DGKZ: variants seen among roughly 807,000 people sequenced by gnomAD.
The protein encoded by DGKZ is diacylglycerol kinase zeta, also known as DAG kinase zeta.
Under a neutral mutation model 142.5 loss-of-function variants are expected in DGKZ, and 45 were observed. That is an observed-to-expected ratio of 0.32 (90% CI 0.25 to 0.40). The LOEUF (loss-of-function observed/expected upper bound fraction) is 0.40. DGKZ is among the 10% of genes least tolerant of loss of function. The pLI, the probability that DGKZ is intolerant of heterozygous loss-of-function variation, is 1.00. For missense variants in DGKZ, 755 were observed against 1,306.5 expected (o/e 0.58, Z 6.51); for synonymous variants, 442 against 527.0 (o/e 0.84, Z 2.21).
intron 27 of DGKZ, 103 bp downstream of exon 27, chr11:46,378,603 A>C: frequency 6.8e-7 from 1 of 1,478,740 alleles, no homozygotes; most frequent in South Asian, 1.2e-5. Context: ...AGGTGCTGTC[A>C]TCTGTCATCG....
Position 46,379,227 on chromosome 11 carries a change from TGGAGGAAAAGTAAGTATCTG to T in DGKZ, c.2567_2573+13del, listed in dbSNP as rs1944928672. The T allele has an allele frequency of 6.2e-7, 1 of 1,612,868 alleles. No homozygotes were observed. Among genetic ancestry groups the T allele is most frequent in the Non-Finnish European group, 8.5e-7 (1 of 1,179,910 alleles). ...GCCCCCCCAGAGATCCTTGATGCGG[TGGAGGAAAAGTAAGTATCTG>T]GGCAGTGCAGAACCGTGGTCACCCC... On this transcript the variant is annotated splice_donor_variant and splice_donor_5th_base_variant and coding_sequence_variant and intron_variant, in exon 29 of 31. Coordinates refer to ENST00000527911, the Ensembl canonical transcript of DGKZ. LOFTEE classifies it high-confidence loss of function.
chr11:46,336,920 T>C (rs1006230274), intron 1 of DGKZ, among the ~76,000 whole-genome samples: 1 of 152,034 alleles, frequency 6.6e-6, no homozygotes. Flanking sequence ...ACTCAGAATG[T>C]TGAGGTGGGA....
Position 46,367,508 on chromosome 11 carries a change from T to G in DGKZ, c.270+109T>G. On this transcript the variant is annotated intron_variant, in intron 2 of 30. Transcript: ENST00000527911. The surrounding 1 kb of genome is among the most constrained non-coding windows in gnomAD (Gnocchi z 4.1). ...CTGGGAGAGCCAAGCCTGGAAGGGT[T>G]GGGACAGTGGGGCAGACGGAACAGA... is the stretch of plus-strand genomic sequence containing the variant. 1 of 1,335,872 alleles carries G rather than the reference T, an allele frequency of 7.5e-7. No individual in the cohort carries two copies. The highest frequency in any genetic ancestry group is 2.4e-5 in the Admixed American group (1 of 42,444). 82.8% of individuals were successfully genotyped at this position (1,335,872 alleles called of 1,614,324 possible).
intron 1 of DGKZ, among the ~76,000 whole-genome samples, chr11:46,348,895 C>A (rs1053947573): frequency 6.6e-6 from 1 of 152,214 alleles, no homozygotes; most frequent in African/African-American, 2.4e-5. Context: ...GAACTCTGAC[C>A]ACTTGGAGTC....
chr11:46,367,656 C>T lies in DGKZ; in HGVS notation c.275C>T (p.Ser92Leu), dbSNP rs1943468057. Residue 92 changes from serine to leucine, a missense_variant, in exon 3 of 31, where the codon TCA becomes TTA. Physicochemically the swap from Ser to Leu is moderately radical, Grantham distance 145 (BLOSUM62 -2). Transcript: ENST00000527911. This position sits in a 1 kb window ranked among gnomAD's most constrained non-coding sequence, Gnocchi z 4.1. The stretch of plus-strand genomic sequence containing the variant: ...GCAAGCCCATCCCGTGGCTAGGAGT[C>T]AGCGACATATGGGGAGCACATCTGG... 1 of 1,598,472 alleles carries T rather than the reference C, an allele frequency of 6.3e-7. No individual in the cohort carries two copies. The highest frequency in any genetic ancestry group is 1.3e-5 in the African/African-American group (1 of 74,642).
chr11:46,365,243 T>C lies in DGKZ; in HGVS notation c.162-2048T>C, dbSNP rs1943113627. 15 of 985,236 alleles carry C rather than the reference T, an allele frequency of 1.5e-5. No homozygotes were observed. In the South Asian group the frequency reaches 7.0e-4, roughly 46 times the overall value. The allele number at this position is 985,236 out of a possible 1,614,324, so 61.0% of individuals were successfully genotyped here. A position where few individuals can be genotyped will look rare whatever the true frequency, so the allele number is the denominator to read the frequency against. On this transcript the variant is annotated intron_variant, in intron 1 of 30. Coordinates refer to ENST00000527911, the Ensembl canonical transcript of DGKZ. Reference sequence around the variant, plus strand: ...TGTGCAGCGTTTGGAATTGTGAGTATGGGGGCTTCCAGCATCAGGGCCGCA... The same window carrying C: ...TGTGCAGCGTTTGGAATTGTGAGTACGGGGGCTTCCAGCATCAGGGCCGCA...
intron 1 of DGKZ, among the ~76,000 whole-genome samples, chr11:46,360,880 TG>T (rs1175854605): frequency 2.0e-5 from 3 of 151,994 alleles, no homozygotes; most frequent in Admixed American, 6.6e-5. Flanking sequence ...GACTGGGAGT[TG>T]GGGGGGTGGC....
chr11:46,366,495 C>G (rs1328562593), intron 1 of DGKZ: 1 of 1,582,294 alleles, frequency 6.3e-7, no homozygotes, highest in African/African-American at 1.3e-5. Context: ...ACTGTGCCCC[C>G]TTCCTGCAAC....
At chr11:46,361,744 T>G in intron 1 of DGKZ, 1 of 867,464 alleles carries the variant, frequency 1.2e-6, no homozygotes, top group Non-Finnish European at 1.4e-6. Flanking sequence ...GCTTTCTGCT[T>G]CCTCCCTCTG....
chr11:46,363,171 T>C (rs1942863193), intron 1 of DGKZ, among the ~76,000 whole-genome samples: 1 of 152,086 alleles, frequency 6.6e-6, no homozygotes, highest in South Asian at 2.1e-4. Context: ...CAGGGCGGGC[T>C]CCAACAAGGC....
At chr11:46,378,604 T>C (rs770850663) in intron 27 of DGKZ, 104 bp downstream of exon 27, 7 of 1,434,512 alleles carry the variant, frequency 4.9e-6, no homozygotes, top group Non-Finnish European at 6.8e-6. Context: ...GGTGCTGTCA[T>C]CTGTCATCGT....
At chr11:46,379,146 A>C (rs1398893599) in intron 28 of DGKZ, 35 bp downstream of exon 28, 1 of 1,611,484 alleles carries the variant, frequency 6.2e-7, no homozygotes, top group Non-Finnish European at 8.5e-7. Context: ...GCCTGGGGCC[A>C]AGGTGGGAGG....
In DGKZ at chr11:46,367,265, C is replaced by T. The variant is rs754568079; in HGVS notation, c.162-26C>T. The T allele has an allele frequency of 8.1e-6, 13 of 1,595,642 alleles. No individual in the cohort carries two copies. The Admixed American group carries it at 2.0e-4, about 25-fold the overall frequency. On this transcript the variant is annotated intron_variant, in intron 1 of 30. Coordinates refer to ENST00000527911, the Ensembl canonical transcript of DGKZ. This position sits in a 1 kb window ranked among gnomAD's most constrained non-coding sequence, Gnocchi z 4.1. Reference sequence around the variant, plus strand: ...GTAGGGTCAGCAAGTGCTCAGCCCCCTCCTCAGCTGTCTTCTCCTCTCTAG... The same window carrying T: ...GTAGGGTCAGCAAGTGCTCAGCCCCTTCCTCAGCTGTCTTCTCCTCTCTAG...
chr11:46,378,336 G>A, intron 26 of DGKZ, 107 bp downstream of exon 26: 2 of 1,540,634 alleles, frequency 1.3e-6, no homozygotes, highest in East Asian at 4.5e-5. Context: ...CACAGCCTTT[G>A]AGCTTCACGC....
chr11:46,367,497 C>T lies in DGKZ; in HGVS notation c.270+98C>T. On this transcript the variant is annotated intron_variant, in intron 2 of 30. Coordinates refer to ENST00000527911, the Ensembl canonical transcript of DGKZ. This position sits in a 1 kb window ranked among gnomAD's most constrained non-coding sequence, Gnocchi z 4.1. Reference sequence around the variant, plus strand: ...ACTAAAGGCAGCTGGGAGAGCCAAGCCTGGAAGGGTTGGGACAGTGGGGCA... The same window carrying T: ...ACTAAAGGCAGCTGGGAGAGCCAAGTCTGGAAGGGTTGGGACAGTGGGGCA... 1 of 1,411,442 alleles carries T rather than the reference C, an allele frequency of 7.1e-7. No homozygotes were observed. Among genetic ancestry groups the T allele is most frequent in the Non-Finnish European group, 9.7e-7 (1 of 1,032,320 alleles). 87.4% of individuals were successfully genotyped at this position (1,411,442 alleles called of 1,614,324 possible). A position where few individuals can be genotyped will look rare whatever the true frequency, so the allele number is the denominator to read the frequency against.
chr11:46,354,733 A>G (rs889441877), intron 1 of DGKZ, among the ~76,000 whole-genome samples: 2 of 152,210 alleles, frequency 1.3e-5, no homozygotes, highest in South Asian at 2.1e-4. Flanking sequence ...ATTGTCCTAC[A>G]TAGGTATTCA....
chr11:46,367,505 G>C lies in DGKZ; in HGVS notation c.270+106G>C. 5 of 1,392,588 alleles carry C rather than the reference G, an allele frequency of 3.6e-6. No individual in the cohort carries two copies. The highest frequency in any genetic ancestry group is 4.9e-6 in the Non-Finnish European group (5 of 1,016,532). The allele number at this position is 1,392,588 out of a possible 1,614,324, so 86.3% of individuals were successfully genotyped here. A position where few individuals can be genotyped will look rare whatever the true frequency, so the allele number is the denominator to read the frequency against. On this transcript the variant is annotated intron_variant, in intron 2 of 30. Transcript: ENST00000527911. This position sits in a 1 kb window ranked among gnomAD's most constrained non-coding sequence, Gnocchi z 4.1. Reference sequence around the variant, plus strand: ...CAGCTGGGAGAGCCAAGCCTGGAAGGGTTGGGACAGTGGGGCAGACGGAAC... The same window carrying C: ...CAGCTGGGAGAGCCAAGCCTGGAAGCGTTGGGACAGTGGGGCAGACGGAAC...
intron 27 of DGKZ, chr11:46,378,780 C>T (rs1483155827): frequency 1.1e-5 from 10 of 918,976 alleles, no homozygotes; most frequent in Admixed American, 6.1e-5. Context: ...GCTTGGTCAC[C>T]AGTGCTGCCA....
In DGKZ at chr11:46,371,525, C is replaced by T. The variant is rs374806809; in HGVS notation, c.681C>T (p.Ile227=). Residue 227 remains isoleucine, a synonymous_variant, in exon 8 of 31, where the codon ATC becomes ATT. Transcript: ENST00000527911. ...TGTCCTGCTTCATGCTGCAGCAGATCGAGGAGCCGTGCTCGCTGGGGGTCC... is the reference window on the plus strand; with the variant it reads ...TGTCCTGCTTCATGCTGCAGCAGATTGAGGAGCCGTGCTCGCTGGGGGTCC... The T allele has an allele frequency of 5.2e-5, 84 of 1,609,352 alleles. No homozygotes were observed. Among genetic ancestry groups the T allele is most frequent in the Non-Finnish European group, 6.5e-5 (77 of 1,177,356 alleles).
Sources: allele counts gnomAD v4.1 joint callset (sites outside exome capture counted in the v4.1 genomes callset), GRCh38; gene constraint gnomAD v4.1.1; non-coding constraint Gnocchi (gnomAD v3.1); transcripts MANE v1.5; gene names NCBI Gene and HGNC (gene_info 2026-07-23, HGNC 2026-07-21).